Variants in MAGI2 observed in about 807,000 individuals in gnomAD.
MAGI2 encodes membrane associated guanylate kinase, WW and PDZ domain containing 2.
MAGI2 carries 35 observed loss-of-function variants against 133.3 expected under a neutral mutation model. The ratio of observed to expected loss-of-function variants is 0.26; its 90% CI spans 0.20 to 0.35. The LOEUF is 0.35. Ranked by LOEUF, MAGI2 falls within the 10% of genes least tolerant of loss-of-function variation. The pLI, the probability that MAGI2 is intolerant of heterozygous loss-of-function variation, is 1.00. For synonymous variants in MAGI2, 729 were observed against 710.6 expected, an observed-to-expected ratio of 1.03 and a Z score of -0.41; for missense variants, 1,636 against 1,863.4, an observed-to-expected ratio of 0.88 and a Z score of 2.25.
At chr7:78,977,569 G>A (rs956865898) in intron 2 of MAGI2, among the ~76,000 whole-genome samples, 9 of 151,402 alleles carry the variant, frequency 5.9e-5, no homozygotes, top group Admixed American at 2.6e-4. Flanking sequence ...AATCTAAAAT[G>A]TAATGAAATA....
In MAGI2 at chr7:78,906,575, CA is replaced by C. The variant is rs112996108; in HGVS notation, c.418+100514del. Among the ~76,000 whole-genome samples, 168 of 152,274 alleles carry C rather than the reference CA, an allele frequency of 1.1e-3. 2 individuals are homozygous for C. The highest frequency in any genetic ancestry group is 3.5e-3 in the African/African-American group (145 of 41,554). On this transcript the variant is annotated intron_variant, in intron 2 of 21. Transcript: ENST00000354212. The stretch of plus-strand genomic sequence containing the variant: ...TAATATTTTATCCAGCCTTGAAATT[CA>C]GTGATTTCACTGTCTTTTCCTTATA...
chr7:78,215,895 G>A (rs775483646), intron 10 of MAGI2, among the ~76,000 whole-genome samples: 1 of 152,208 alleles, frequency 6.6e-6, no homozygotes, highest in Non-Finnish European at 1.5e-5. Flanking sequence ...TCCAATTGTT[G>A]CAAGACTGGG....
At chr7:78,081,409 A>G (rs1212468498) in intron 20 of MAGI2, among the ~76,000 whole-genome samples, 1 of 152,220 alleles carries the variant, frequency 6.6e-6, no homozygotes, top group African/African-American at 2.4e-5. Flanking sequence ...AAATAAGGCT[A>G]TTACTACTCA....
Position 79,453,487 on chromosome 7 carries a change from G to A in MAGI2, c.-167C>T, listed in dbSNP as rs1849442166. 7.0e-7 allele frequency: 1 copy of A among 1,425,172 alleles called. No individual in the cohort carries two copies. Among genetic ancestry groups the A allele is most frequent in the African/African-American group, 1.4e-5 (1 of 69,612 alleles). The allele number at this position is 1,425,172 out of a possible 1,614,324, so 88.3% of individuals were successfully genotyped here. The stretch of plus-strand genomic sequence containing the variant: ...CCTCTTCTTTGGATGGAGTGTGGAC[G>A]AGGAATGGGGAGGATGAGAGGGACG... On this transcript the variant is annotated 5_prime_UTR_variant, in exon 1 of 22. Transcript: ENST00000354212.
In MAGI2 at chr7:78,160,802, T is replaced by G. The variant is rs150503236; in HGVS notation, c.2597-529A>C. Among the ~76,000 whole-genome samples the G allele has an allele frequency of 6.7e-3, 1,026 of 152,322 alleles. 16 individuals carry two copies. Among genetic ancestry groups the G allele is most frequent in the African/African-American group, 0.023 (961 of 41,576 alleles). The stretch of plus-strand genomic sequence containing the variant: ...GAGAAATGCTGCTGTAGATGTATTA[T>G]AAGGAAGGCTAACAGCACAGGTGCC... On this transcript the variant is annotated intron_variant, in intron 15 of 21. Coordinates refer to ENST00000354212, the MANE Select transcript of MAGI2 (RefSeq NM_012301.4).
intron 2 of MAGI2, among the ~76,000 whole-genome samples, chr7:78,995,484 G>C (rs1020160061): frequency 1.1e-4 from 16 of 152,164 alleles, no homozygotes; most frequent in Non-Finnish European, 2.1e-4. Flanking sequence ...CCAATCAAGA[G>C]GTTCATGTTA....
chr7:78,886,454 TTGAC>T, intron 2 of MAGI2, among the ~76,000 whole-genome samples: 1 of 152,332 alleles, frequency 6.6e-6, no homozygotes, highest in Middle Eastern at 3.4e-3. Context: ...GATTGACTGA[TTGAC>T]TGACCAAGTC....
chr7:79,283,557 T>C (rs1835797094), intron 1 of MAGI2, among the ~76,000 whole-genome samples: 1 of 152,080 alleles, frequency 6.6e-6, no homozygotes, highest in Non-Finnish European at 1.5e-5. Flanking sequence ...AATCCGATCA[T>C]GGTAGTCTAA....
chr7:79,160,513 T>A (rs972927829), intron 1 of MAGI2, among the ~76,000 whole-genome samples: 2 of 152,048 alleles, frequency 1.3e-5, no homozygotes, highest in Non-Finnish European at 2.9e-5. Flanking sequence ...CTATAGTGAG[T>A]TGTAAAAATA....
chr7:78,462,999 G>C (rs1332011322), intron 6 of MAGI2, among the ~76,000 whole-genome samples: 2 of 152,210 alleles, frequency 1.3e-5, no homozygotes, highest in Non-Finnish European at 2.9e-5. Context: ...CAGAGATACA[G>C]TCAATGGAGT....
At chr7:78,090,905 G>C (rs1233488277) in intron 20 of MAGI2, among the ~76,000 whole-genome samples, 1 of 152,188 alleles carries the variant, frequency 6.6e-6, no homozygotes, top group East Asian at 1.9e-4. Context: ...AGTCCTGTGA[G>C]AAGCACTGGG....
chr7:78,382,193 T>A (rs1475382801), intron 6 of MAGI2, among the ~76,000 whole-genome samples: 9 of 2,452 alleles, frequency 3.7e-3, no homozygotes, highest in South Asian at 0.01. Flanking sequence ...CAAATGTTCG[T>A]TTTTTTTAAA....
At chr7:78,229,499 T>C (rs528931219) in intron 10 of MAGI2, among the ~76,000 whole-genome samples, 13 of 152,218 alleles carry the variant, frequency 8.5e-5, no homozygotes, top group African/African-American at 2.9e-4. Context: ...CTGGGCTCTG[T>C]GTGGATTCTG....
At chr7:79,110,702 T>C (rs1185972794) in intron 1 of MAGI2, among the ~76,000 whole-genome samples, 1 of 152,136 alleles carries the variant, frequency 6.6e-6, no homozygotes, top group East Asian at 1.9e-4. Context: ...TTTTGCAGTG[T>C]GAGAAGGATT....
intron 2 of MAGI2, among the ~76,000 whole-genome samples, chr7:78,652,133 G>A (rs574438426): frequency 2.0e-5 from 3 of 152,062 alleles, no homozygotes; most frequent in Non-Finnish European, 2.9e-5. Flanking sequence ...ACCCTCAAAC[G>A]GGGAGAGAAA....
At chr7:79,327,209 G>A (rs1839759907) in intron 1 of MAGI2, among the ~76,000 whole-genome samples, 4 of 152,070 alleles carry the variant, frequency 2.6e-5, no homozygotes, top group South Asian at 2.1e-4. Context: ...TAGTAATGAC[G>A]ATTAACGTTT....
At chr7:78,316,854 G>C (rs1391871403) in intron 9 of MAGI2, among the ~76,000 whole-genome samples, 1 of 152,184 alleles carries the variant, frequency 6.6e-6, no homozygotes, top group Non-Finnish European at 1.5e-5. Flanking sequence ...CCCATGAGCT[G>C]ATAAACCATG....
chr7:79,215,387 TC>T (rs1829936297), intron 1 of MAGI2, among the ~76,000 whole-genome samples: 1 of 152,056 alleles, frequency 6.6e-6, no homozygotes. Flanking sequence ...CCAGTTTTTT[TC>T]CTGATCCAGG....
intron 3 of MAGI2, among the ~76,000 whole-genome samples, chr7:78,522,638 C>A (rs1305542541): frequency 6.6e-6 from 1 of 152,150 alleles, no homozygotes; most frequent in Admixed American, 6.5e-5. Flanking sequence ...CCTCGGCCCC[C>A]CAAAGTGCTG....
Sources: gnomAD v4.1 joint callset for allele counts (sites outside exome capture counted in the v4.1 genomes callset) on GRCh38, gnomAD v4.1.1 for gene constraint, MANE v1.5 for transcripts, NCBI Gene and HGNC (gene_info 2026-07-23, HGNC 2026-07-21) for gene names.